Variants in EIF4G3 observed in about 807,000 individuals in gnomAD.
EIF4G3 encodes the protein eIF-4-gamma 3.
EIF4G3 carries 34 observed loss-of-function variants against 186.4 expected under a neutral mutation model. That is an observed-to-expected ratio of 0.18 (90% CI 0.14 to 0.24). The LOEUF is 0.24. Ranked by LOEUF, EIF4G3 falls within the 10% of genes least tolerant of loss-of-function variation. The pLI is 1.00. For missense variants in EIF4G3, 1,536 were observed against 1,948.5 expected (o/e 0.79, Z 3.99); for synonymous variants, 673 against 679.5 (o/e 0.99, Z 0.15).
At chr1:20,962,731 G>A (rs1038630855) in intron 12 of EIF4G3, among the ~76,000 whole-genome samples, 2 of 152,118 alleles carry the variant, frequency 1.3e-5, no homozygotes, top group Non-Finnish European at 1.5e-5. Context: ...ACAATTTACA[G>A]GAGAGATGAA....
intron 2 of EIF4G3, among the ~76,000 whole-genome samples, chr1:21,144,902 C>T (rs757416999): frequency 3.9e-5 from 6 of 152,116 alleles, no homozygotes; most frequent in African/African-American, 9.7e-5. Context: ...AGGTAACGCA[C>T]GTACTGATAA....
At chr1:20,872,048 CA>C (rs1259531755) in intron 20 of EIF4G3, among the ~76,000 whole-genome samples, 1 of 151,964 alleles carries the variant, frequency 6.6e-6, no homozygotes, top group African/African-American at 2.4e-5. Context: ...ATCCATTGTC[CA>C]AATGTGTCAA....
chr1:20,847,850 ATT>A, intron 29 of EIF4G3: 1 of 471,656 alleles, frequency 2.1e-6, no homozygotes, highest in Non-Finnish European at 4.4e-6. Context: ...CTTCTTCTGA[ATT>A]TTGAAGAATT....
At chr1:20,860,597 T>A in intron 23 of EIF4G3, 80 bp from the exon 24 acceptor site, 2 of 1,483,732 alleles carry the variant, frequency 1.3e-6, no homozygotes, top group Non-Finnish European at 1.8e-6. Flanking sequence ...TTTTTACTAC[T>A]GGAAAAGTAC....
intron 2 of EIF4G3, among the ~76,000 whole-genome samples, chr1:21,097,892 G>A (rs2096413011): frequency 6.6e-6 from 1 of 151,892 alleles, no homozygotes; most frequent in Admixed American, 6.6e-5. Flanking sequence ...CTGTTATCTT[G>A]GATTAGGCCA....
intron 3 of EIF4G3, among the ~76,000 whole-genome samples, chr1:21,082,056 A>C (rs1299545994): frequency 6.6e-6 from 1 of 151,368 alleles, no homozygotes; most frequent in African/African-American, 2.4e-5. Context: ...TTGGCCTCCC[A>C]AAGTACCAGG....
At chr1:20,955,583 G>A (rs1445142710) in intron 12 of EIF4G3, among the ~76,000 whole-genome samples, 1 of 152,114 alleles carries the variant, frequency 6.6e-6, no homozygotes, top group Non-Finnish European at 1.5e-5. Context: ...ATGAACTAGA[G>A]CAAGGAAACA....
rs773049619 is a variant in EIF4G3, at chr1:20,860,472, C to A, written c.3157G>T (p.Glu1053Ter). 1 of 1,613,810 alleles carries A rather than the reference C, an allele frequency of 6.2e-7. No homozygotes were observed. The highest frequency in any genetic ancestry group is 8.5e-7 in the Non-Finnish European group (1 of 1,180,002). The change falls in exon 24 of 37, where the codon GAA (glutamate) becomes TAA (stop). Residue 1053 changes from glutamate (E) to a stop codon, truncating the protein, a stop_gained. Coordinates refer to ENST00000602326, the MANE Select transcript of EIF4G3 (RefSeq NM_001391906.1). LOFTEE classifies it high-confidence loss of function. ...RRADQGPKTI[E>*]QIHKEAKIEE... ...ATTTTAGCCTCTTTGTGAATCTGTT[C>A]GATAGTTTTAGGCCCTTGATCTGCT...
chr1:20,888,930 G>A (rs2085076281), intron 18 of EIF4G3, among the ~76,000 whole-genome samples: 1 of 152,008 alleles, frequency 6.6e-6, no homozygotes, highest in South Asian at 2.1e-4. Context: ...GTGCTAAGAG[G>A]TATGGGCTAC....
At chr1:21,082,766 C>T (rs1367385415) in intron 3 of EIF4G3, among the ~76,000 whole-genome samples, 2 of 151,878 alleles carry the variant, frequency 1.3e-5, no homozygotes, top group East Asian at 1.9e-4. Flanking sequence ...TGGCCGGGCG[C>T]GGTGGCTCAC....
chr1:20,944,506 C>G (rs539496338), intron 13 of EIF4G3, among the ~76,000 whole-genome samples: 3 of 145,010 alleles, frequency 2.1e-5, no homozygotes, highest in Non-Finnish European at 4.5e-5. Flanking sequence ...TAGAGCAAGA[C>G]GCTGTCTCAA....
intron 2 of EIF4G3, among the ~76,000 whole-genome samples, chr1:21,158,439 G>A (rs898778178): frequency 6.6e-6 from 1 of 152,018 alleles, no homozygotes; most frequent in Admixed American, 6.6e-5. Context: ...GCCTCTCAAA[G>A]TGTTAGAATT....
intron 4 of EIF4G3, among the ~76,000 whole-genome samples, chr1:21,048,645 A>G (rs1412167624): frequency 6.6e-6 from 1 of 152,190 alleles, no homozygotes; most frequent in East Asian, 1.9e-4. Flanking sequence ...GAAGACACGC[A>G]GCACAGTGGC....
intron 11 of EIF4G3, among the ~76,000 whole-genome samples, chr1:20,970,404 G>A (rs755474166): frequency 6.7e-6 from 1 of 148,238 alleles, no homozygotes; most frequent in African/African-American, 2.5e-5. Context: ...ATAAGGTCAG[G>A]AGATCAAGAC....
intron 4 of EIF4G3, among the ~76,000 whole-genome samples, chr1:21,017,707 T>G (rs941563781): frequency 6.6e-6 from 1 of 150,468 alleles, no homozygotes; most frequent in African/African-American, 2.5e-5. Context: ...TTTGTGAGAG[T>G]TGGCATGAAA....
chr1:20,880,520 T>C (rs939780456), intron 19 of EIF4G3, among the ~76,000 whole-genome samples: 4 of 152,040 alleles, frequency 2.6e-5, no homozygotes, highest in African/African-American at 7.2e-5. Context: ...GAGACCGAGG[T>C]TGGGTGGATC....
chr1:20,961,844 A>C (rs188244515), intron 12 of EIF4G3, among the ~76,000 whole-genome samples: 8 of 152,358 alleles, frequency 5.3e-5, no homozygotes, highest in Non-Finnish European at 8.8e-5. Context: ...TATTTCATTA[A>C]AGATAAAGAA....
At chr1:20,846,536 C>A (rs1302596140) in intron 29 of EIF4G3, among the ~76,000 whole-genome samples, 4 of 152,116 alleles carry the variant, frequency 2.6e-5, no homozygotes, top group Admixed American at 2.6e-4. Context: ...TAGTTTTTGG[C>A]ACTGAAAACA....
intron 20 of EIF4G3, among the ~76,000 whole-genome samples, chr1:20,871,056 G>A (rs1479465808): frequency 6.6e-6 from 1 of 152,042 alleles, no homozygotes; most frequent in Non-Finnish European, 1.5e-5. Context: ...AAATCTAAAA[G>A]AATCTTTCTT....
Sources: allele counts gnomAD v4.1 joint callset (sites outside exome capture counted in the v4.1 genomes callset), GRCh38; gene constraint gnomAD v4.1.1; transcripts MANE v1.5; gene names NCBI Gene and HGNC (gene_info 2026-07-23, HGNC 2026-07-21).